The following TARBP1 variants were observed in gnomAD, a reference collection of about 807,000 sequenced individuals.
TARBP1 encodes tRNA (guanosine(18)-2'-O)-methyltransferase TARBP1.
Under a neutral mutation model 178.6 loss-of-function variants are expected in TARBP1, and 144 were observed. The observed-to-expected ratio is 0.81, with a 90% CI of 0.70 to 0.93. The LOEUF (loss-of-function observed/expected upper bound fraction) is 0.93. Among genes scored for constraint, TARBP1 ranks in the 40% least tolerant of loss-of-function variants. The pLI, the probability that TARBP1 is intolerant of heterozygous loss-of-function variation, is 0.00. For synonymous variants in TARBP1, 787 were observed against 781.0 expected, an observed-to-expected ratio of 1.01 and a Z score of -0.13; for missense variants, 2,067 against 2,011.7, an observed-to-expected ratio of 1.03 and a Z score of -0.53.
intron 12 of TARBP1, among the ~76,000 whole-genome samples, chr1:234,444,727 T>A (rs2103195718): frequency 6.6e-6 from 1 of 152,018 alleles, no homozygotes; most frequent in South Asian, 2.1e-4. Flanking sequence ...GAAAAGAACT[T>A]CTACGACCTC....
chr1:234,429,750 A>T, intron 15 of TARBP1, 73 bp from the exon 16 acceptor site: 23 of 1,044,024 alleles, frequency 2.2e-5, no homozygotes, highest in Admixed American at 2.8e-5. Flanking sequence ...GTAGCACACT[A>T]TCCTTTCTAA....
At chr1:234,468,149 TA>T (rs34404772) in intron 3 of TARBP1, among the ~76,000 whole-genome samples, 80,192 of 151,786 alleles carry the variant, frequency 0.53, 21,834 homozygotes, top group African/African-American at 0.65. Flanking sequence ...TCAGGCAGCT[TA>T]ATTTTGAAAG....
At chr1:234,392,350 A>G in intron 29 of TARBP1, 66 bp downstream of exon 29, 1 of 1,566,384 alleles carries the variant, frequency 6.4e-7, no homozygotes, top group Non-Finnish European at 8.6e-7. Flanking sequence ...ACAAAAAAAA[A>G]CAAGGTAACA....
intron 22 of TARBP1, among the ~76,000 whole-genome samples, chr1:234,412,045 C>A (rs1661878300): frequency 6.6e-6 from 1 of 152,116 alleles, no homozygotes; most frequent in South Asian, 2.1e-4. Flanking sequence ...AGATTAAAAT[C>A]CTAACTGTAA....
chr1:234,405,726 T>C (rs886802378), intron 24 of TARBP1, among the ~76,000 whole-genome samples, 177 bp downstream of exon 24: 1 of 152,250 alleles, frequency 6.6e-6, no homozygotes, highest in African/African-American at 2.4e-5. Context: ...CAATGAACTG[T>C]AATTAACTAC....
Position 234,473,271 on chromosome 1 carries a change from G to A in TARBP1, c.932-460C>T, listed in dbSNP as rs545651456. ...GCAAAATCCCCCGGAACCAAAGGAA[G>A]TGGCTGCAAAAGTTACTCTGGTAAG... On this transcript the variant is annotated intron_variant, in intron 1 of 29. Transcript: ENST00000040877. Among the ~76,000 whole-genome samples, 81 of 152,374 alleles carry A rather than the reference G, an allele frequency of 5.3e-4. 2 individuals carry two copies. Among genetic ancestry groups the A allele is most frequent in the African/African-American group, 1.8e-3 (76 of 41,588 alleles).
At chr1:234,419,591 T>G (rs193131949) in intron 21 of TARBP1, among the ~76,000 whole-genome samples, 30 of 152,252 alleles carry the variant, frequency 2.0e-4, no homozygotes, top group Admixed American at 1.2e-3. Context: ...CTCGGACATT[T>G]CCCCACCCTC....
chr1:234,456,456 C>T (rs66855611), intron 9 of TARBP1, among the ~76,000 whole-genome samples: 21,482 of 152,274 alleles, frequency 0.14, 1,910 homozygotes, highest in East Asian at 0.32. Flanking sequence ...CCGCCTCAGC[C>T]TCCCAAAGTG....
chr1:234,410,420 T>C, intron 23 of TARBP1, 25 bp downstream of exon 23: 1 of 1,337,320 alleles, frequency 7.5e-7, no homozygotes, highest in Non-Finnish European at 1.0e-6. Context: ...TACAGTCAAG[T>C]TTAAATTCTT....
chr1:234,463,629 C>A (rs1046360778), intron 6 of TARBP1, among the ~76,000 whole-genome samples: 1 of 152,100 alleles, frequency 6.6e-6, no homozygotes, highest in Non-Finnish European at 1.5e-5. Context: ...CTACTCATGC[C>A]AATACTGGTA....
chr1:234,408,784 C>T (rs972143595), intron 23 of TARBP1, among the ~76,000 whole-genome samples: 1 of 152,168 alleles, frequency 6.6e-6, no homozygotes, highest in Non-Finnish European at 1.5e-5. Context: ...CTCTGATCCC[C>T]GAATGCTCAG....
chr1:234,459,161 T>A (rs1667586615), intron 8 of TARBP1, 69 bp downstream of exon 8: 2 of 1,178,184 alleles, frequency 1.7e-6, no homozygotes, highest in East Asian at 2.4e-5. Flanking sequence ...GTCTGCTATG[T>A]TAACTCATTT....
chr1:234,412,996 CCCT>C (rs1662012458), intron 22 of TARBP1, among the ~76,000 whole-genome samples: 1 of 152,226 alleles, frequency 6.6e-6, no homozygotes, highest in Admixed American at 6.5e-5. Context: ...CGCCTGCGCC[CCCT>C]CGACCCCCGA....
At chr1:234,457,948 A>T (rs956984121) in intron 8 of TARBP1, among the ~76,000 whole-genome samples, 192 bp from the exon 9 acceptor site, 1 of 152,164 alleles carries the variant, frequency 6.6e-6, no homozygotes, top group East Asian at 1.9e-4. Flanking sequence ...AACTTTTAAC[A>T]TAAAGATACC....
intron 20 of TARBP1, among the ~76,000 whole-genome samples, chr1:234,422,357 C>G (rs899792066): frequency 6.6e-6 from 1 of 152,150 alleles, no homozygotes; most frequent in Admixed American, 6.6e-5. Context: ...CCACAACTGA[C>G]TTCATTAAAA....
chr1:234,475,643 A>G (rs962332674), intron 1 of TARBP1, among the ~76,000 whole-genome samples: 2 of 152,362 alleles, frequency 1.3e-5, no homozygotes, highest in Admixed American at 1.3e-4. Context: ...ACAGCGAAAG[A>G]GCAGGAATGC....
rs999390243 is a variant in TARBP1, at chr1:234,478,022, G to A, written c.931+151C>T. ...ACACCCTCGAGAAGGGGTTCCAAAG[G>A]TTTTCAGGCTTTAGGGGAGCAACGC... is the stretch of plus-strand genomic sequence containing the variant. On this transcript the variant is annotated intron_variant, in intron 1 of 29. Coordinates refer to ENST00000040877, the MANE Select transcript of TARBP1 (RefSeq NM_005646.4). 8.2e-5 allele frequency: 60 copies of A among 731,578 alleles called. No homozygotes were observed. In the African/African-American group the frequency reaches 1.1e-3, roughly 13 times the overall value. The allele number at this position is 731,578 out of a possible 1,614,324, so 45.3% of individuals were successfully genotyped here.
intron 24 of TARBP1, among the ~76,000 whole-genome samples, chr1:234,404,092 G>A (rs1572219582): frequency 1.3e-5 from 2 of 152,274 alleles, no homozygotes; most frequent in South Asian, 2.1e-4. Flanking sequence ...TATGACTGGA[G>A]CCAATTGCTT....
At chr1:234,440,252 G>A (rs1252761644) in intron 12 of TARBP1, among the ~76,000 whole-genome samples, 4 of 151,494 alleles carry the variant, frequency 2.6e-5, no homozygotes, top group African/African-American at 2.4e-5. Flanking sequence ...AACAAGAAAC[G>A]TCTAAAATCA....
Sources: gnomAD v4.1 joint callset for allele counts (sites outside exome capture counted in the v4.1 genomes callset) on GRCh38, gnomAD v4.1.1 for gene constraint, MANE v1.5 for transcripts, NCBI Gene and HGNC (gene_info 2026-07-23, HGNC 2026-07-21) for gene names.